The following DSCAML1 variants were observed in gnomAD, a reference collection of about 807,000 sequenced individuals.
DSCAML1 encodes the protein cell adhesion molecule DSCAML1.
Under a neutral mutation model 200.5 loss-of-function variants are expected in DSCAML1, and 38 were observed. That is an observed-to-expected ratio of 0.19 (90% CI 0.15 to 0.25). The LOEUF (loss-of-function observed/expected upper bound fraction) is 0.25. DSCAML1 is among the 10% of genes least tolerant of loss of function. DSCAML1 has a pLI of 1.00. For synonymous variants in DSCAML1, 1,215 were observed against 1,165.0 expected (o/e 1.04, Z -0.87); for missense variants, 2,223 against 2,858.8 (o/e 0.78, Z 5.07).
Position 117,718,667 on chromosome 11 carries a change from A to ACC in DSCAML1, c.511+58123_511+58124insGG, listed in dbSNP as rs1295109321. Among the ~76,000 whole-genome samples, 62 of 22,308 alleles carry ACC rather than the reference A, an allele frequency of 2.8e-3. 19 individuals are homozygous for ACC. The highest frequency in any genetic ancestry group is 4.1e-3 in the Non-Finnish European group (44 of 10,788). 14.6% of individuals were successfully genotyped at this position (22,308 alleles called of 152,430 possible). On this transcript the variant is annotated intron_variant, in intron 3 of 32. Transcript: ENST00000651296. ...ACACACACACAAGATGAATACTCAA[A>ACC]ACCCCCCCCCCCCCCCATCATATGA...
chr11:117,528,891 G>A (rs7126500), intron 4 of DSCAML1, among the ~76,000 whole-genome samples: 1 of 151,664 alleles, frequency 6.6e-6, no homozygotes, highest in Non-Finnish European at 1.5e-5. Flanking sequence ...AACTGCCTCT[G>A]CAACTTGGAA....
chr11:117,492,329 C>T (rs1370167184), intron 11 of DSCAML1, among the ~76,000 whole-genome samples: 1 of 152,206 alleles, frequency 6.6e-6, no homozygotes, highest in Non-Finnish European at 1.5e-5. Context: ...TGAAATCTCT[C>T]CGGGACTCTC....
At chr11:117,476,296 A>T (rs2048790334) in intron 14 of DSCAML1, among the ~76,000 whole-genome samples, 1 of 152,154 alleles carries the variant, frequency 6.6e-6, no homozygotes, top group Non-Finnish European at 1.5e-5. Flanking sequence ...CAGCTTGGAG[A>T]AAAGCCACAT....
At chr11:117,444,954 C>T (rs543598351) in intron 20 of DSCAML1, among the ~76,000 whole-genome samples, 10 of 152,098 alleles carry the variant, frequency 6.6e-5, no homozygotes, top group Admixed American at 6.5e-5. Flanking sequence ...GAAAACAGAG[C>T]GGAAGTCCAG....
At chr11:117,486,220 G>A (rs915745036) in intron 11 of DSCAML1, among the ~76,000 whole-genome samples, 7 of 150,792 alleles carry the variant, frequency 4.6e-5, no homozygotes, top group African/African-American at 9.8e-5. Flanking sequence ...CCAAAATGGC[G>A]GATGGGAAAG....
At position 117,778,169 on chromosome 11, in the gene DSCAML1, G is replaced by A. The variant is rs557489639; in HGVS notation, c.365-1232C>T. Among the ~76,000 whole-genome samples the A allele has an allele frequency of 5.3e-5, 8 of 152,314 alleles. No homozygotes were observed. In the South Asian group the frequency reaches 1.4e-3, roughly 28 times the overall value. On this transcript the variant is annotated intron_variant, in intron 2 of 32. Transcript: ENST00000651296. ...TTTATTCTTTCCCCTTCTCCAAGCTGTGGCTGTGATGAGGAGAAGATGTGG... is the reference window on the plus strand; with the variant it reads ...TTTATTCTTTCCCCTTCTCCAAGCTATGGCTGTGATGAGGAGAAGATGTGG...
chr11:117,753,218 A>G (rs1262115992), intron 3 of DSCAML1, among the ~76,000 whole-genome samples: 2 of 152,232 alleles, frequency 1.3e-5, no homozygotes, highest in Non-Finnish European at 2.9e-5. Context: ...CACAGTGCAT[A>G]AAGAAAGTGC....
At chr11:117,584,926 AATG>A (rs1449877859) in intron 3 of DSCAML1, among the ~76,000 whole-genome samples, 5 of 152,238 alleles carry the variant, frequency 3.3e-5, no homozygotes, top group African/African-American at 1.2e-4. Context: ...AAGTACTCAG[AATG>A]ATACTTGGCA....
At chr11:117,672,501 G>C (rs955171383) in intron 3 of DSCAML1, among the ~76,000 whole-genome samples, 1 of 152,172 alleles carries the variant, frequency 6.6e-6, no homozygotes, top group Admixed American at 6.5e-5. Flanking sequence ...AGTGCTCCAA[G>C]GATAAGGATT....
chr11:117,521,031 G>A, intron 6 of DSCAML1, 99 bp downstream of exon 6: 4 of 1,513,976 alleles, frequency 2.6e-6, no homozygotes, highest in Non-Finnish European at 3.6e-6. Context: ...AGTGAGCGCT[G>A]GTTTAATGCC....
At chr11:117,446,267 G>A (rs1160212597) in intron 20 of DSCAML1, among the ~76,000 whole-genome samples, 1 of 152,224 alleles carries the variant, frequency 6.6e-6, no homozygotes, top group African/African-American at 2.4e-5. Context: ...GGGAGGCTGA[G>A]GCAGGAGAAT....
Position 117,431,583 on chromosome 11 carries a change from G to A in DSCAML1, c.5325C>T (p.Val1775=). The A allele has an allele frequency of 6.2e-7, 1 of 1,610,558 alleles. No homozygotes were observed. Among genetic ancestry groups the A allele is most frequent in the Non-Finnish European group, 8.5e-7 (1 of 1,178,028 alleles). The part of the protein sequence containing the change: ...DWRTVGSQHG[V]TVTESDSYSA... ...TGTAGCTGTCACTCTCAGTGACCGTGACACCATGCTGGGAGCCCACGGTGC... is the reference window on the plus strand; with the variant it reads ...TGTAGCTGTCACTCTCAGTGACCGTAACACCATGCTGGGAGCCCACGGTGC... Residue 1775 remains valine, a synonymous_variant, in exon 31 of 33, where the codon GTC becomes GTT. Coordinates refer to ENST00000651296, the MANE Select transcript of DSCAML1 (RefSeq NM_020693.4).
chr11:117,433,181 C>T lies in DSCAML1; in HGVS notation c.4983G>A (p.Arg1661=), dbSNP rs757216933. 18 of 1,613,980 alleles carry T rather than the reference C, an allele frequency of 1.1e-5. No individual in the cohort carries two copies. The highest frequency in any genetic ancestry group is 1.4e-5 in the Non-Finnish European group (17 of 1,180,016). The part of the protein sequence containing the change: ...QGPRLHIDIP[R]VQLLIEDKEG... ...CTTTGTCCTCGATGAGCAGCTGGACCCTGGGGATGTCAATGTGTAGCCGTG... is the reference window on the plus strand; with the variant it reads ...CTTTGTCCTCGATGAGCAGCTGGACTCTGGGGATGTCAATGTGTAGCCGTG... Residue 1661 remains arginine (R), a synonymous_variant, in exon 29 of 33, where the codon AGG becomes AGA. Transcript: ENST00000651296.
chr11:117,687,346 G>A (rs1341551531), intron 3 of DSCAML1, among the ~76,000 whole-genome samples: 1 of 151,496 alleles, frequency 6.6e-6, no homozygotes, highest in Non-Finnish European at 1.5e-5. Flanking sequence ...CTGCAGCTTC[G>A]AACTCCTGAG....
At chr11:117,752,886 C>T (rs539786645) in intron 3 of DSCAML1, among the ~76,000 whole-genome samples, 6 of 152,176 alleles carry the variant, frequency 3.9e-5, no homozygotes, top group Non-Finnish European at 7.4e-5. Flanking sequence ...ACAGAGCCTG[C>T]GCACAGGGGT....
intron 3 of DSCAML1, among the ~76,000 whole-genome samples, chr11:117,677,644 G>A (rs1423184054): frequency 1.3e-5 from 2 of 152,142 alleles, no homozygotes; most frequent in Non-Finnish European, 1.5e-5. Flanking sequence ...TTACCAAGGG[G>A]CAAGTAGACA....
At chr11:117,481,371 C>T (rs12363073) in intron 12 of DSCAML1, 101 bp from the exon 13 acceptor site, 19,653 of 1,164,480 alleles carry the variant, frequency 0.017, 227 homozygotes, top group Non-Finnish European at 0.02. Context: ...GCAAGGCCCT[C>T]TTGTTCTGGG....
chr11:117,733,855 T>G (rs1387326063), intron 3 of DSCAML1, among the ~76,000 whole-genome samples: 1 of 151,936 alleles, frequency 6.6e-6, no homozygotes, highest in East Asian at 1.9e-4. Context: ...ACCAATTGCA[T>G]GCATGTAAGC....
chr11:117,483,272 T>C (rs1314618694), intron 11 of DSCAML1, among the ~76,000 whole-genome samples: 1 of 152,088 alleles, frequency 6.6e-6, no homozygotes, highest in African/African-American at 2.4e-5. Flanking sequence ...CGCATGACAA[T>C]GAGACAGGGT....
Sources: allele counts gnomAD v4.1 joint callset (sites outside exome capture counted in the v4.1 genomes callset), GRCh38; gene constraint gnomAD v4.1.1; transcripts MANE v1.5; gene names NCBI Gene and HGNC (gene_info 2026-07-23, HGNC 2026-07-21).